The following AUTS2 variants were observed in gnomAD, a reference collection of about 807,000 sequenced individuals.
The protein encoded by AUTS2 is autism susceptibility gene 2 protein.
AUTS2 carries 17 observed loss-of-function variants against 112.4 expected under a neutral mutation model. That is an observed-to-expected ratio of 0.15 (90% CI 0.10 to 0.23). The LOEUF is 0.23. AUTS2 is among the 10% of genes least tolerant of loss of function. The probability of loss-of-function intolerance (pLI) is 1.00; values close to 1 mark genes in which losing one functional copy is unlikely to be tolerated. For missense variants in AUTS2, 1,510 were observed against 1,701.6 expected (o/e 0.89, Z 1.98); for synonymous variants, 751 against 702.7 (o/e 1.07, Z -1.09).
intron 4 of AUTS2, among the ~76,000 whole-genome samples, chr7:70,327,527 A>G (rs1562882929): frequency 6.6e-6 from 1 of 152,246 alleles, no homozygotes; most frequent in East Asian, 1.9e-4. Context: ...AAGGGGCTCT[A>G]GGTATTTAGG....
intron 1 of AUTS2, among the ~76,000 whole-genome samples, chr7:69,746,794 G>A (rs1438690944): frequency 1.3e-5 from 2 of 152,104 alleles, no homozygotes; most frequent in African/African-American, 4.8e-5. Context: ...CACTGTGGGC[G>A]AGGGCTGTAT....
intron 5 of AUTS2, among the ~76,000 whole-genome samples, chr7:70,499,963 C>G (rs968389005): frequency 6.6e-6 from 1 of 152,152 alleles, no homozygotes; most frequent in African/African-American, 2.4e-5. Flanking sequence ...TCTGAACCAT[C>G]CTTGCCTGAT....
intron 4 of AUTS2, among the ~76,000 whole-genome samples, chr7:70,358,379 TACTTCTCTTC>T (rs1281584988): frequency 6.6e-6 from 1 of 152,230 alleles, no homozygotes; most frequent in Admixed American, 6.5e-5. Context: ...AGGCCCAGCT[TACTTCTCTTC>T]ACTTCTCTTT....
chr7:70,375,422 G>A (rs1793040840), intron 4 of AUTS2, among the ~76,000 whole-genome samples: 1 of 152,062 alleles, frequency 6.6e-6, no homozygotes, highest in Non-Finnish European at 1.5e-5. Flanking sequence ...TCCATTCTTT[G>A]TATTGGCTAT....
At chr7:69,719,002 C>T (rs1358894238) in intron 1 of AUTS2, among the ~76,000 whole-genome samples, 3 of 152,178 alleles carry the variant, frequency 2.0e-5, no homozygotes, top group Non-Finnish European at 4.4e-5. Flanking sequence ...CCAGCCCGCC[C>T]GCAGGGGTTT....
At chr7:70,416,024 G>A (rs190235302) in intron 4 of AUTS2, among the ~76,000 whole-genome samples, 102 of 152,326 alleles carry the variant, frequency 6.7e-4, no homozygotes, top group Middle Eastern at 6.8e-3. Flanking sequence ...TGTGGTAACA[G>A]TGGCTCTGTG....
chr7:69,740,836 A>G (rs1787234556), intron 1 of AUTS2, among the ~76,000 whole-genome samples: 1 of 152,174 alleles, frequency 6.6e-6, no homozygotes, highest in Non-Finnish European at 1.5e-5. Context: ...ATGTCTTTCA[A>G]TAGGAGAGCA....
chr7:70,670,668 TA>T (rs200957881), intron 5 of AUTS2, among the ~76,000 whole-genome samples: 3 of 111,054 alleles, frequency 2.7e-5, no homozygotes, highest in African/African-American at 9.0e-5. Context: ...CCTCCATAAA[TA>T]AGGGGACCTT....
chr7:70,359,155 A>G (rs2129625881), intron 4 of AUTS2, among the ~76,000 whole-genome samples: 1 of 152,368 alleles, frequency 6.6e-6, no homozygotes, highest in South Asian at 2.1e-4. Context: ...TTCAATTTCA[A>G]GAGTCCAGAG....
chr7:70,563,967 C>T (rs1801598312), intron 5 of AUTS2, among the ~76,000 whole-genome samples: 2 of 152,260 alleles, frequency 1.3e-5, no homozygotes, highest in South Asian at 4.1e-4. Context: ...AGCCCCTTTT[C>T]TGGAAGTATT....
chr7:70,183,940 G>C (rs1180069732), intron 4 of AUTS2, among the ~76,000 whole-genome samples: 2 of 150,346 alleles, frequency 1.3e-5, no homozygotes, highest in Admixed American at 1.3e-4. Flanking sequence ...TGAAAGAATT[G>C]AATGTAAAGA....
At chr7:69,803,520 A>G (rs1429853777) in intron 1 of AUTS2, among the ~76,000 whole-genome samples, 1 of 27,668 alleles carries the variant, frequency 3.6e-5, no homozygotes. Context: ...AAATGTTACC[A>G]TCTTTGGAAA....
intron 4 of AUTS2, among the ~76,000 whole-genome samples, chr7:70,389,041 G>T (rs1483706188): frequency 6.6e-6 from 1 of 152,156 alleles, no homozygotes; most frequent in Non-Finnish European, 1.5e-5. Flanking sequence ...TTGTTGGAAA[G>T]AGCCTCCCAA....
intron 5 of AUTS2, among the ~76,000 whole-genome samples, chr7:70,447,264 T>G (rs1224056662): frequency 6.6e-6 from 1 of 152,182 alleles, no homozygotes; most frequent in Non-Finnish European, 1.5e-5. Context: ...ACCAACCCAA[T>G]GGAGTGTAGG....
intron 1 of AUTS2, among the ~76,000 whole-genome samples, chr7:69,726,533 T>C (rs1786523674): frequency 6.6e-6 from 1 of 150,896 alleles, no homozygotes; most frequent in Non-Finnish European, 1.5e-5. Context: ...TTGGCAGACA[T>C]AGGTCATGAT....
intron 4 of AUTS2, among the ~76,000 whole-genome samples, chr7:70,230,740 C>G (rs573042474): frequency 1.3e-5 from 2 of 152,322 alleles, no homozygotes; most frequent in Non-Finnish European, 2.9e-5. Context: ...CTGGATCTGC[C>G]TATTAATTTT....
intron 4 of AUTS2, among the ~76,000 whole-genome samples, chr7:70,273,241 A>C (rs1394120643): frequency 6.6e-6 from 1 of 152,106 alleles, no homozygotes; most frequent in Non-Finnish European, 1.5e-5. Flanking sequence ...ACAGGATTTC[A>C]TCATGTTGCC....
chr7:70,537,285 G>A (rs919814838), intron 5 of AUTS2, among the ~76,000 whole-genome samples: 1 of 152,170 alleles, frequency 6.6e-6, no homozygotes, highest in Non-Finnish European at 1.5e-5. Context: ...CAAGATGTGT[G>A]TAGCTACATC....
At chr7:70,573,508 C>A (rs904473932) in intron 5 of AUTS2, among the ~76,000 whole-genome samples, 11 of 152,182 alleles carry the variant, frequency 7.2e-5, no homozygotes, top group Admixed American at 2.6e-4. Flanking sequence ...GAGGGCTTTG[C>A]TAAGACTTTC....
Sources: gnomAD v4.1 joint callset for allele counts (sites outside exome capture counted in the v4.1 genomes callset) on GRCh38, gnomAD v4.1.1 for gene constraint, MANE v1.5 for transcripts, NCBI Gene and HGNC (gene_info 2026-07-23, HGNC 2026-07-21) for gene names.